F3: variants seen among roughly 807,000 people sequenced by gnomAD.
The protein encoded by F3 is tissue factor.
A neutral mutation model predicts 33.5 loss-of-function variants in F3; 18 were observed. The observed-to-expected ratio is 0.54, with a 90% CI of 0.37 to 0.80. The LOEUF is 0.80. F3 is among the 30% of genes least tolerant of loss of function. The probability of loss-of-function intolerance (pLI) is 0.00; values close to 1 mark genes in which losing one functional copy is unlikely to be tolerated. For missense variants in F3, 353 were observed against 362.1 expected, an observed-to-expected ratio of 0.97 and a Z score of 0.20; for synonymous variants, 147 against 140.7, an observed-to-expected ratio of 1.05 and a Z score of -0.32.
At chr1:94,532,948 C>G (rs1413127937) in intron 4 of F3, 142 bp downstream of exon 4, 4 of 799,080 alleles carry the variant, frequency 5.0e-6, no homozygotes, top group Non-Finnish European at 5.9e-6. Context: ...CACCCCTCCC[C>G]ACAGTGCGCG....
intron 5 of F3, among the ~76,000 whole-genome samples, chr1:94,531,177 G>C (rs530670482): frequency 6.6e-6 from 1 of 152,296 alleles, no homozygotes; most frequent in African/African-American, 2.4e-5. Context: ...TGCAGGACCA[G>C]AGGTAAAGAG....
chr1:94,531,551 C>T (rs942752995), intron 5 of F3, among the ~76,000 whole-genome samples: 2 of 152,202 alleles, frequency 1.3e-5, no homozygotes, highest in African/African-American at 4.8e-5. Flanking sequence ...ATTTGCCTGT[C>T]TGGGCCTCCC....
At chr1:94,530,651 T>G in intron 5 of F3, 55 bp from the exon 6 acceptor site, 1 of 1,604,184 alleles carries the variant, frequency 6.2e-7, no homozygotes, top group Non-Finnish European at 8.5e-7. Flanking sequence ...CATTTATCAG[T>G]GGACAAAATT....
chr1:94,533,386 C>T, intron 3 of F3, 118 bp from the exon 4 acceptor site: 1 of 1,256,544 alleles, frequency 8.0e-7, no homozygotes, highest in Non-Finnish European at 1.1e-6. Context: ...TGCATAGAAC[C>T]AGCTCCCTGA....
Position 94,533,095 on chromosome 1 carries a change from C to T in F3, c.586G>A (p.Gly196Arg), listed in dbSNP as rs781356474. ...TLYYWKSSSS[G>R]KKTAKTNTNE... ...ACAAATTAAAAAATGCTCACCTTTC[C>T]TGAACTTGAAGATTTCCAATAATAA... The change falls in exon 4 of 6, where the codon GGA becomes AGA. Residue 196 changes from glycine (G) to arginine (R), a missense_variant. By Grantham distance (125) the Gly-to-Arg change is moderately radical. Coordinates refer to ENST00000334047, the MANE Select transcript of F3 (RefSeq NM_001993.5). 4.1e-5 allele frequency: 66 copies of T among 1,612,324 alleles called. No homozygotes were observed. Among genetic ancestry groups the T allele is most frequent in the Non-Finnish European group, 5.1e-5 (60 of 1,179,678 alleles).
At chr1:94,536,313 G>C in intron 2 of F3, 149 bp from the exon 3 acceptor site, 1 of 712,768 alleles carries the variant, frequency 1.4e-6, no homozygotes, top group South Asian at 1.8e-5. Context: ...TGAGCACTTT[G>C]CTTTTTTTTA....
chr1:94,534,020 C>A (rs1318984676), intron 3 of F3, among the ~76,000 whole-genome samples: 1 of 152,054 alleles, frequency 6.6e-6, no homozygotes, highest in Non-Finnish European at 1.5e-5. Flanking sequence ...GCACCCACAA[C>A]CACGCCTGGC....
At chr1:94,537,490 T>C (rs1239564280) in intron 2 of F3, among the ~76,000 whole-genome samples, 3 of 152,224 alleles carry the variant, frequency 2.0e-5, no homozygotes, top group African/African-American at 7.2e-5. Flanking sequence ...ACAGTCTGCC[T>C]GGTACGAGGG....
In F3 at chr1:94,540,522, G is replaced by GA. The variant is rs556671433; in HGVS notation, c.101-155dup. The GA allele has an allele frequency of 6.9e-3, 3,774 of 545,378 alleles. 19 individuals are homozygous for GA. Among genetic ancestry groups the GA allele is most frequent in the Non-Finnish European group, 0.01 (3,283 of 314,322 alleles). The allele number at this position is 545,378 out of a possible 1,614,324, so 33.8% of individuals were successfully genotyped here. A position where few individuals can be genotyped will look rare whatever the true frequency, so the allele number is the denominator to read the frequency against. ...CATTAGTGAATTATCAAGAGAAAAA[G>GA]AATCTTCAAATTTTTTCTAGACCTA... On this transcript the variant is annotated intron_variant, in intron 1 of 5. Coordinates refer to ENST00000334047, the MANE Select transcript of F3 (RefSeq NM_001993.5).
At chr1:94,536,815 T>C (rs1651623034) in intron 2 of F3, among the ~76,000 whole-genome samples, 1 of 152,204 alleles carries the variant, frequency 6.6e-6, no homozygotes, top group Non-Finnish European at 1.5e-5. Flanking sequence ...TAACATGTTA[T>C]ACATATATTC....
chr1:94,530,794 A>ACATTTAATGGG (rs1417574079), intron 5 of F3, among the ~76,000 whole-genome samples, 198 bp from the exon 6 acceptor site: 3 of 152,224 alleles, frequency 2.0e-5, no homozygotes, highest in Admixed American at 1.3e-4. Flanking sequence ...ATGGCTAAAC[A>ACATTTAATGGG]CATTTAATGG....
intron 5 of F3, among the ~76,000 whole-genome samples, chr1:94,531,386 C>T (rs1651421417): frequency 6.6e-6 from 1 of 151,700 alleles, no homozygotes; most frequent in African/African-American, 2.4e-5. Flanking sequence ...ACTTCAGCCT[C>T]CGCCTCCCAG....
chr1:94,537,409 C>T (rs1651635512), intron 2 of F3, among the ~76,000 whole-genome samples: 1 of 152,194 alleles, frequency 6.6e-6, no homozygotes, highest in African/African-American at 2.4e-5. Flanking sequence ...TCCAGATCTC[C>T]CTGCTGAGCA....
Position 94,533,160 on chromosome 1 carries a change from C to G in F3, c.521G>C (p.Ser174Thr), listed in dbSNP as rs1437195759. ...TLVRRNNTFL[S>T]LRDVFGKDLI... ...GTCCTTGCCAAAAACATCCCGGAGGCTTAGGAAAGTGTTGTTCCTTCTGAC... is the reference window on the plus strand; with the variant it reads ...GTCCTTGCCAAAAACATCCCGGAGGGTTAGGAAAGTGTTGTTCCTTCTGAC... The change falls in exon 4 of 6, where the codon AGC becomes ACC. Residue 174 changes from serine to threonine, a missense_variant. Transcript: ENST00000334047. The G allele has an allele frequency of 2.5e-6, 4 of 1,613,848 alleles. No individual in the cohort carries two copies. In the African/African-American group the frequency reaches 5.3e-5, roughly 22 times the overall value.
chr1:94,536,908 G>T (rs1651625509), intron 2 of F3, among the ~76,000 whole-genome samples: 1 of 151,984 alleles, frequency 6.6e-6, no homozygotes, highest in Non-Finnish European at 1.5e-5. Context: ...CTTTACTCAT[G>T]TTACTTCATT....
intron 4 of F3, 112 bp from the exon 5 acceptor site, chr1:94,532,592 C>T (rs2101089126): frequency 8.8e-7 from 1 of 1,131,028 alleles, no homozygotes. Context: ...TACAAGAACA[C>T]AGCTGACACG....
chr1:94,530,380 G>T lies in F3; in HGVS notation c.*80C>A. On this transcript the variant is annotated 3_prime_UTR_variant, in exon 6 of 6. Coordinates refer to ENST00000334047, the MANE Select transcript of F3 (RefSeq NM_001993.5). ...TTCATGCTCCGAAATACTCATTTGC[G>T]TTTCCATGTATTCTATCCTCTTAAA... 6.4e-7 allele frequency: 1 copy of T among 1,561,142 alleles called. No individual in the cohort carries two copies. Among genetic ancestry groups the T allele is most frequent in the Non-Finnish European group, 8.7e-7 (1 of 1,147,018 alleles).
intron 3 of F3, among the ~76,000 whole-genome samples, chr1:94,535,408 G>T (rs192371054): frequency 3.3e-5 from 5 of 152,234 alleles, no homozygotes; most frequent in Middle Eastern, 3.4e-3. Context: ...CAGAACGAGG[G>T]TGACAGGCAG....
rs1239646251 is a variant in F3 at position 94,540,418 on chromosome 1, G to A, written c.101-50C>T. On this transcript the variant is annotated intron_variant, in intron 1 of 5. Transcript: ENST00000334047. ...TTATTACATGCACTTCAGAGCACTC[G>A]AATGTATTGATGTATAAAACACCTT... 9 of 1,252,884 alleles carry A rather than the reference G, an allele frequency of 7.2e-6. No homozygotes were observed. The East Asian group carries it at 1.6e-4, about 23-fold the overall frequency. 77.6% of individuals were successfully genotyped at this position (1,252,884 alleles called of 1,614,324 possible).
Sources: gnomAD v4.1 joint callset for allele counts (sites outside exome capture counted in the v4.1 genomes callset) on GRCh38, gnomAD v4.1.1 for gene constraint, MANE v1.5 for transcripts, NCBI Gene and HGNC (gene_info 2026-07-23, HGNC 2026-07-21) for gene names.